GRM4: variants seen among roughly 807,000 people sequenced by gnomAD.
GRM4 encodes glutamate metabotropic receptor 4.
Under a neutral mutation model 81.7 loss-of-function variants are expected in GRM4, and 28 were observed. That is an observed-to-expected ratio of 0.34 (90% confidence interval 0.25 to 0.47). The LOEUF is 0.47. Ranked by LOEUF, GRM4 falls within the 20% of genes least tolerant of loss-of-function variation. GRM4 has a pLI of 1.00. For synonymous variants in GRM4, 488 were observed against 528.8 expected (o/e 0.92, Z 1.06); for missense variants, 948 against 1,290.0 (o/e 0.73, Z 4.06).
intron 3 of GRM4, among the ~76,000 whole-genome samples, chr6:34,084,520 C>A (rs935630698): frequency 6.6e-6 from 1 of 152,126 alleles, no homozygotes; most frequent in Non-Finnish European, 1.5e-5. Context: ...GGAGGAGGGG[C>A]CTTGGCTCTG....
chr6:34,088,777 T>C (rs1768046234), intron 3 of GRM4, among the ~76,000 whole-genome samples: 2 of 152,232 alleles, frequency 1.3e-5, no homozygotes, highest in Admixed American at 1.3e-4. Context: ...AGCCACATGG[T>C]TATTACCAGG....
chr6:34,124,476 T>C (rs1456086784), intron 2 of GRM4, among the ~76,000 whole-genome samples: 1 of 152,226 alleles, frequency 6.6e-6, no homozygotes, highest in Non-Finnish European at 1.5e-5. Context: ...TCCCACTGCC[T>C]GCCGTCTCCC....
intron 1 of GRM4, among the ~76,000 whole-genome samples, chr6:34,144,944 G>A (rs1032223419): frequency 6.6e-6 from 1 of 152,024 alleles, no homozygotes; most frequent in Non-Finnish European, 1.5e-5. Context: ...GGCTCCGGGG[G>A]CGCCAGCTCT....
rs867539207 is a variant in GRM4 at position 34,036,656 on chromosome 6, C to T, written c.1507-53G>A. 25 of 1,016,452 alleles carry T rather than the reference C, an allele frequency of 2.5e-5. No homozygotes were observed. Among genetic ancestry groups the T allele is most frequent in the South Asian group, 7.5e-5 (5 of 66,356 alleles). 63.0% of individuals were successfully genotyped at this position (1,016,452 alleles called of 1,614,324 possible). On this transcript the variant is annotated intron_variant, in intron 8 of 10. Transcript: ENST00000538487. This position sits in a 1 kb window ranked among gnomAD's most constrained non-coding sequence, Gnocchi z 9.0. ...CCTCAGAACATGCCACCCGGTGCCC[C>T]GGACCATCCTACTGGGTGGTGGCAC...
chr6:34,057,300 G>A (rs1370522396), intron 5 of GRM4, among the ~76,000 whole-genome samples: 7 of 152,098 alleles, frequency 4.6e-5, no homozygotes, highest in Admixed American at 6.5e-5. Context: ...CTGCCATACT[G>A]ACTGTTCTAG....
Position 34,129,864 on chromosome 6 carries a change from A to G in GRM4, c.519+3114T>C, listed in dbSNP as rs533184239. Among the ~76,000 whole-genome samples, 7 of 152,288 alleles carry G rather than the reference A, an allele frequency of 4.6e-5. No individual in the cohort carries two copies. The East Asian group carries it at 1.4e-3, about 29-fold the overall frequency. ...CTCCATTAGCATTCTCCATGCAGGA[A>G]ATCACCTGAGTGCCCCCACACCCAG... On this transcript the variant is annotated intron_variant, in intron 2 of 10. Coordinates refer to ENST00000538487, the MANE Select transcript of GRM4 (RefSeq NM_000841.4).
At chr6:34,110,440 C>T (rs1309541868) in intron 2 of GRM4, among the ~76,000 whole-genome samples, 1 of 151,810 alleles carries the variant, frequency 6.6e-6, no homozygotes, top group African/African-American at 2.4e-5. Context: ...CCCACCCGAC[C>T]TGGCCACACT....
rs4713743 is a variant in GRM4, at chr6:34,121,842, G to A, written c.519+11136C>T. Among the ~76,000 whole-genome samples, 70,085 of 151,942 alleles carry A rather than the reference G, an allele frequency of 0.46. 17,143 individuals carry two copies. Among genetic ancestry groups the A allele is most frequent in the Admixed American group, 0.56 (8,495 of 15,270 alleles). ...CACCTCCTGTTTCCTGAGGGCCTGC[G>A]ATGTGCCAGGCACTGAGCTAATCAC... On this transcript the variant is annotated intron_variant, in intron 2 of 10. Transcript: ENST00000538487. This position sits in a 1 kb window ranked among gnomAD's most constrained non-coding sequence, Gnocchi z 4.6.
rs1763783530 is a variant in GRM4, at chr6:34,019,132, C to G, written c.*3689G>C. 6.6e-6 allele frequency: 1 copy of G among 152,416 alleles called. No individual in the cohort carries two copies. Among genetic ancestry groups the G allele is most frequent in the African/African-American group, 2.4e-5 (1 of 41,454 alleles). 9.4% of individuals were successfully genotyped at this position (152,416 alleles called of 1,614,324 possible). A position where few individuals can be genotyped will look rare whatever the true frequency, so the allele number is the denominator to read the frequency against. On this transcript the variant is annotated 3_prime_UTR_variant, in exon 11 of 11. Transcript: ENST00000538487. ...GCATGTGGCCCACTGAGACCTCTGT[C>G]CTGCCTGGCTCTATGCCTCTGCCTC...
rs1444774371 is a variant in GRM4, at chr6:34,025,248, GA to G, written c.2690-2379del. On this transcript the variant is annotated intron_variant, in intron 10 of 10. Transcript: ENST00000538487. ...ATTCTATCCCCCATGGTCAGAAAAGGAACAGCAGTGGCTATGCGAATCACAG... is the reference window on the plus strand; with the variant it reads ...ATTCTATCCCCCATGGTCAGAAAAGGACAGCAGTGGCTATGCGAATCACAG... 2.0e-5 allele frequency among the ~76,000 whole-genome samples: 3 copies of G among 152,110 alleles called. No homozygotes were observed. In the East Asian group the frequency reaches 5.8e-4, roughly 29 times the overall value.
At chr6:34,091,603 G>A (rs543223221) in intron 3 of GRM4, 9 of 460,782 alleles carry the variant, frequency 2.0e-5, no homozygotes, top group African/African-American at 9.9e-5. Flanking sequence ...TGAGGAGAGC[G>A]GCCGCCCCGC....
Position 34,036,276 on chromosome 6 carries a change from A to G in GRM4, c.1834T>C (p.Tyr612His), listed in dbSNP as rs1764705081. The change falls in exon 9 of 11, where the codon TAC (tyrosine) becomes CAC (histidine). Residue 612 changes from tyrosine (Y) to histidine (H), a missense_variant. Physicochemically the swap from Tyr to His is moderately conservative, Grantham distance 83 (BLOSUM62 2). Coordinates refer to ENST00000538487, the MANE Select transcript of GRM4 (RefSeq NM_000841.4). This position sits in a 1 kb window ranked among gnomAD's most constrained non-coding sequence, Gnocchi z 9.0. ...GCCTTGACGATGGGCGTGTCGTTGT[A>G]GCGCACAAAGGTGATCACCACGAAC... ...TLFVVITFVR[Y>H]NDTPIVKASG... The G allele has an allele frequency of 2.5e-6, 4 of 1,614,092 alleles. No homozygotes were observed. The highest frequency in any genetic ancestry group is 3.4e-6 in the Non-Finnish European group (4 of 1,179,992).
At chr6:34,099,697 G>A (rs969532407) in intron 2 of GRM4, among the ~76,000 whole-genome samples, 3 of 152,150 alleles carry the variant, frequency 2.0e-5, no homozygotes, top group Non-Finnish European at 2.9e-5. Context: ...ACACACCCAC[G>A]CCCTCCATGG....
At chr6:34,143,083 C>A (rs1770760639) in intron 1 of GRM4, among the ~76,000 whole-genome samples, 1 of 152,172 alleles carries the variant, frequency 6.6e-6, no homozygotes, top group Non-Finnish European at 1.5e-5. Flanking sequence ...AAAGGGTAGT[C>A]CCTGAAGTGG....
In GRM4 at chr6:34,035,559, T is replaced by TGAAAGACGGCAGAATGAGGCAA; in HGVS notation, c.2442+108_2442+109insTTGCCTCATTCTGCCGTCTTTC. On this transcript the variant is annotated intron_variant, in intron 9 of 10. Transcript: ENST00000538487. This position sits in a 1 kb window ranked among gnomAD's most constrained non-coding sequence, Gnocchi z 6.6. ...GCAAGAAAGAAGGCAGAATGAGGCA[T>TGAAAGACGGCAGAATGAGGCAA]GAAAGAAGGCATTTCTGGAGCAGGG... is the stretch of plus-strand genomic sequence containing the variant. The TGAAAGACGGCAGAATGAGGCAA allele has an allele frequency of 1.7e-6, 1 of 581,980 alleles. No individual in the cohort carries two copies. Among genetic ancestry groups the TGAAAGACGGCAGAATGAGGCAA allele is most frequent in the African/African-American group, 2.3e-5 (1 of 42,600 alleles). The allele number at this position is 581,980 out of a possible 1,614,324, so 36.1% of individuals were successfully genotyped here.
In GRM4 at chr6:34,114,870, T is replaced by TC. The variant is rs1296849639; in HGVS notation, c.519+18107dup. Among the ~76,000 whole-genome samples the TC allele has an allele frequency of 6.6e-6, 1 of 152,102 alleles. No individual in the cohort carries two copies. Among genetic ancestry groups the TC allele is most frequent in the Non-Finnish European group, 1.5e-5 (1 of 68,010 alleles). On this transcript the variant is annotated intron_variant, in intron 2 of 10. Coordinates refer to ENST00000538487, the MANE Select transcript of GRM4 (RefSeq NM_000841.4). This position sits in a 1 kb window ranked among gnomAD's most constrained non-coding sequence, Gnocchi z 4.3. ...TTTATTCACTCGGCAATCCTGCCCA[T>TC]CCCCACCACCTGCTCCAGTATCTTG...
rs889047733 is a variant in GRM4, at chr6:34,152,237, C to T, written c.312+2842G>A. Among the ~76,000 whole-genome samples, 2 of 152,190 alleles carry T rather than the reference C, an allele frequency of 1.3e-5. No homozygotes were observed. The highest frequency in any genetic ancestry group is 4.8e-5 in the African/African-American group (2 of 41,460). ...GACAAGACAGAGAGCTGGACGTAGG[C>T]CCCGGGACCTCCCACCGGCAGAGCC... On this transcript the variant is annotated intron_variant, in intron 1 of 8. Transcript: ENST00000374177. The surrounding 1 kb of genome is among the most constrained non-coding windows in gnomAD (Gnocchi z 4.1).
intron 2 of GRM4, among the ~76,000 whole-genome samples, chr6:34,112,792 T>C (rs979684760): frequency 1.2e-4 from 18 of 152,174 alleles, no homozygotes; most frequent in Middle Eastern, 3.4e-3. Context: ...ACACCAAGAA[T>C]GCGAGTGGCA....
intron 10 of GRM4, among the ~76,000 whole-genome samples, chr6:34,025,362 C>T (rs1226591137): frequency 1.3e-5 from 2 of 152,152 alleles, no homozygotes; most frequent in Non-Finnish European, 2.9e-5. Flanking sequence ...CTGTAAAACC[C>T]ATCAGCAGCT....
Sources: allele counts gnomAD v4.1 joint callset (sites outside exome capture counted in the v4.1 genomes callset), GRCh38; gene constraint gnomAD v4.1.1; non-coding constraint Gnocchi (gnomAD v3.1); transcripts MANE v1.5; gene names NCBI Gene and HGNC (gene_info 2026-07-23, HGNC 2026-07-21).